The following TIAM2 variants were observed in gnomAD, a reference collection of about 807,000 sequenced individuals.
TIAM2 encodes TIAM Rac1 associated GEF 2, also known as rho guanine nucleotide exchange factor TIAM2.
A neutral mutation model predicts 152.9 loss-of-function variants in TIAM2; 80 were observed. The ratio of observed to expected loss-of-function variants is 0.52; its 90% CI spans 0.44 to 0.63. TIAM2 has a LOEUF of 0.63. Ranked by LOEUF, TIAM2 falls within the 30% of genes least tolerant of loss-of-function variation. The probability of loss-of-function intolerance (pLI) is 0.00; values close to 1 mark genes in which losing one functional copy is unlikely to be tolerated. For synonymous variants in TIAM2, 804 were observed against 838.0 expected (o/e 0.96, Z 0.70); for missense variants, 1,965 against 2,120.1 (o/e 0.93, Z 1.44).
At position 155,028,445 on chromosome 6, in the gene TIAM2, C is replaced by CAT. The variant is rs1459512468; in HGVS notation, c.-209+32957_-209+32958dup. Among the ~76,000 whole-genome samples the CAT allele has an allele frequency of 3.8e-5, 5 of 130,284 alleles. No homozygotes were observed. The East Asian group carries it at 6.8e-4, about 18-fold the overall frequency. The allele number at this position is 130,284 out of a possible 152,430, so 85.5% of individuals were successfully genotyped here. Reference sequence around the variant, plus strand: ...TACATATAATATATATACTGTGTTACATATACTACATATAATATATATACT... The same window carrying CAT: ...TACATATAATATATATACTGTGTTACATATATACTACATATAATATATATACT... On this transcript the variant is annotated intron_variant, in intron 1 of 26. Coordinates refer to ENST00000682666, the MANE Select transcript of TIAM2 (RefSeq NM_012454.4).
chr6:155,043,833 G>T (rs1372555548), intron 1 of TIAM2, among the ~76,000 whole-genome samples: 1 of 151,870 alleles, frequency 6.6e-6, no homozygotes, highest in Non-Finnish European at 1.5e-5. Context: ...TACAAGCGGG[G>T]ACTTGACCCT....
chr6:155,148,834 C>G (rs548436790), intron 7 of TIAM2, among the ~76,000 whole-genome samples: 1 of 152,306 alleles, frequency 6.6e-6, no homozygotes, highest in South Asian at 2.1e-4. Context: ...TGCTGCGGTT[C>G]CATATTCATA....
chr6:155,148,874 C>A (rs895012434), intron 7 of TIAM2, among the ~76,000 whole-genome samples: 1 of 152,174 alleles, frequency 6.6e-6, no homozygotes, highest in African/African-American at 2.4e-5. Flanking sequence ...ATGGCATTTG[C>A]ATTTTAGAGA....
At position 154,995,948 on chromosome 6, in the gene TIAM2, A is replaced by C. The variant is rs1360557277; in HGVS notation, c.-209+456A>C. ...CCGCCCGGCGACCTCGGAGCCTCAG[A>C]AAGGCGCTGCGGCGAAGCAGGATCC... On this transcript the variant is annotated intron_variant, in intron 1 of 26. Transcript: ENST00000682666. The surrounding 1 kb of genome is among the most constrained non-coding windows in gnomAD (Gnocchi z 5.2). 6.6e-6 allele frequency among the ~76,000 whole-genome samples: 1 copy of C among 152,152 alleles called. No individual in the cohort carries two copies. The highest frequency in any genetic ancestry group is 1.5e-5 in the Non-Finnish European group (1 of 68,026).
intron 1 of TIAM2, among the ~76,000 whole-genome samples, chr6:155,016,613 G>A (rs1425621251): frequency 1.5e-5 from 2 of 131,780 alleles, no homozygotes; most frequent in African/African-American, 5.2e-5. Context: ...AAACCAGACT[G>A]CTCGACTGGG....
At chr6:154,996,020 C>T (rs1778206030) in intron 1 of TIAM2, among the ~76,000 whole-genome samples, 4 of 152,118 alleles carry the variant, frequency 2.6e-5, no homozygotes, top group South Asian at 2.1e-4. Flanking sequence ...CCTGCTCAGC[C>T]CCTCCGGCCT....
rs566059948 is a variant in TIAM2 at position 155,149,580 on chromosome 6, T to C, written c.2028+1246T>C. The stretch of plus-strand genomic sequence containing the variant: ...ATTAAATAATACCTCTGTTTATGTC[T>C]GAATGTTTAACCTTGTTTGGAAGTT... On this transcript the variant is annotated intron_variant, in intron 7 of 26. Transcript: ENST00000682666. 5.3e-5 allele frequency among the ~76,000 whole-genome samples: 8 copies of C among 152,352 alleles called. No individual in the cohort carries two copies. In the East Asian group the frequency reaches 1.2e-3, roughly 22 times the overall value.
chr6:155,111,933 G>A (rs1028477800), intron 2 of TIAM2, among the ~76,000 whole-genome samples: 2 of 152,062 alleles, frequency 1.3e-5, no homozygotes, highest in Non-Finnish European at 2.9e-5. Flanking sequence ...ACTCAATCCA[G>A]TCGGTCTTTC....
At chr6:155,207,916 G>C (rs1781631728) in intron 14 of TIAM2, among the ~76,000 whole-genome samples, 1 of 152,174 alleles carries the variant, frequency 6.6e-6, no homozygotes, top group African/African-American at 2.4e-5. Context: ...TGAAGAGATT[G>C]ACTCAGATGA....
intron 15 of TIAM2, among the ~76,000 whole-genome samples, chr6:155,216,189 C>T (rs1224161591): frequency 6.6e-6 from 1 of 151,888 alleles, no homozygotes; most frequent in Non-Finnish European, 1.5e-5. Flanking sequence ...TTTGGGACTC[C>T]CCCCGCCCCA....
intron 23 of TIAM2, 63 bp from the exon 24 acceptor site, chr6:155,252,885 G>C: frequency 6.9e-7 from 1 of 1,443,264 alleles, no homozygotes; most frequent in South Asian, 1.2e-5. Flanking sequence ...TATTCACTGT[G>C]CACACATCCT....
chr6:155,034,564 A>C (rs563013575), intron 1 of TIAM2, among the ~76,000 whole-genome samples: 17 of 152,284 alleles, frequency 1.1e-4, no homozygotes, highest in Non-Finnish European at 2.4e-4. Context: ...TAGGTCCAGT[A>C]TTTTAACCTT....
intron 1 of TIAM2, among the ~76,000 whole-genome samples, chr6:155,027,116 A>T (rs1247815088): frequency 6.6e-6 from 1 of 151,606 alleles, no homozygotes; most frequent in Admixed American, 6.6e-5. Flanking sequence ...GCTCACTACA[A>T]CCTCTGCCTC....
At chr6:155,256,295 TA>T in intron 26 of TIAM2, 188 bp from the exon 27 acceptor site, 2 of 810,380 alleles carry the variant, frequency 2.5e-6, no homozygotes, top group Non-Finnish European at 1.9e-6. Context: ...CTTACAACTG[TA>T]AACCTAAGTC....
chr6:155,217,223 G>A (rs1032547320), intron 15 of TIAM2: 7 of 966,992 alleles, frequency 7.2e-6, no homozygotes, highest in Non-Finnish European at 9.7e-6. Context: ...ATGCAGATGA[G>A]AAGAGATGCC....
chr6:155,049,910 G>A (rs1777281716), intron 1 of TIAM2, among the ~76,000 whole-genome samples: 1 of 152,154 alleles, frequency 6.6e-6, no homozygotes, highest in South Asian at 2.1e-4. Flanking sequence ...TAAAAGCTGA[G>A]TAGTTATTGA....
intron 2 of TIAM2, among the ~76,000 whole-genome samples, chr6:155,099,731 GT>G (rs1185007456): frequency 6.6e-6 from 1 of 152,212 alleles, no homozygotes; most frequent in Non-Finnish European, 1.5e-5. Flanking sequence ...ATCTGAATCA[GT>G]TAATATGCAG....
intron 1 of TIAM2, among the ~76,000 whole-genome samples, chr6:155,074,383 C>T (rs181594906): frequency 7.9e-5 from 12 of 151,846 alleles, no homozygotes; most frequent in East Asian, 1.9e-4. Flanking sequence ...GGTGGAGTCT[C>T]GCTCAGTCGC....
intron 1 of TIAM2, among the ~76,000 whole-genome samples, chr6:155,053,115 CTT>C (rs765884081): frequency 3.9e-5 from 6 of 152,088 alleles, no homozygotes; most frequent in African/African-American, 9.7e-5. Context: ...ACCATTATGA[CTT>C]TGAGCATCCA....
Sources: gnomAD v4.1 joint callset for allele counts (sites outside exome capture counted in the v4.1 genomes callset) on GRCh38, gnomAD v4.1.1 for gene constraint, Gnocchi (gnomAD v3.1) non-coding constraint, MANE v1.5 for transcripts, NCBI Gene and HGNC (gene_info 2026-07-23, HGNC 2026-07-21) for gene names.